SUPT3H: variants seen among roughly 807,000 people sequenced by gnomAD.
The protein encoded by SUPT3H is transcription initiation protein SPT3 homolog.
SUPT3H carries 44 observed loss-of-function variants against 44.3 expected under a neutral mutation model. The ratio of observed to expected loss-of-function variants is 0.99; its 90% CI spans 0.78 to 1.28. SUPT3H has a LOEUF of 1.28. Ranked by LOEUF, SUPT3H falls within the 50% of genes most tolerant of loss-of-function variation. The pLI, the probability that SUPT3H is intolerant of heterozygous loss-of-function variation, is 0.00. For synonymous variants in SUPT3H, 124 were observed against 125.6 expected, an observed-to-expected ratio of 0.99 and a Z score of 0.09; for missense variants, 380 against 387.1, an observed-to-expected ratio of 0.98 and a Z score of 0.15.
chr6:45,108,994 C>CA (rs1463470611), intron 2 of SUPT3H, among the ~76,000 whole-genome samples: 1 of 151,800 alleles, frequency 6.6e-6, no homozygotes, highest in African/African-American at 2.4e-5. Context: ...GATCAATCTA[C>CA]AAAAAATCAT....
intron 2 of SUPT3H, among the ~76,000 whole-genome samples, chr6:45,353,683 G>A (rs1792541023): frequency 6.6e-6 from 1 of 151,968 alleles, no homozygotes; most frequent in African/African-American, 2.4e-5. Context: ...GAAAGTGCAT[G>A]AAGATATGTA....
intron 2 of SUPT3H, among the ~76,000 whole-genome samples, chr6:45,190,105 G>A (rs899245495): frequency 2.6e-5 from 4 of 152,036 alleles, no homozygotes; most frequent in African/African-American, 9.7e-5. Context: ...CAACTGTTGC[G>A]TTAAACTAAT....
chr6:45,064,873 A>AC (rs1274722285), intron 3 of SUPT3H, among the ~76,000 whole-genome samples: 1 of 146,244 alleles, frequency 6.8e-6, no homozygotes, highest in East Asian at 2.1e-4. Flanking sequence ...AGACTTTAAC[A>AC]CCCCACTGTC....
intron 2 of SUPT3H, among the ~76,000 whole-genome samples, chr6:45,292,599 A>G (rs974417095): frequency 1.3e-5 from 2 of 151,642 alleles, no homozygotes; most frequent in African/African-American, 4.8e-5. Context: ...CCTAGCTAAC[A>G]TATAAAGACT....
At chr6:45,035,173 T>C (rs1787490870) in intron 3 of SUPT3H, among the ~76,000 whole-genome samples, 1 of 152,192 alleles carries the variant, frequency 6.6e-6, no homozygotes, top group Admixed American at 6.6e-5. Flanking sequence ...ATAACAGATG[T>C]ACTCTTAAAA....
In SUPT3H at chr6:44,994,720, C is replaced by T. The variant is rs1781051237; in HGVS notation, c.504+8933G>A. Among the ~76,000 whole-genome samples the T allele has an allele frequency of 2.6e-5, 4 of 152,054 alleles. No individual in the cohort carries two copies. The South Asian group carries it at 8.3e-4, about 32-fold the overall frequency. On this transcript the variant is annotated intron_variant, in intron 6 of 10. Coordinates refer to ENST00000371459, the MANE Select transcript of SUPT3H (RefSeq NM_003599.4). ...AAAACTTCTATAGTCATTTGTGCTC[C>T]TATGTGAGAAATAAATATTCAATAT...
intron 2 of SUPT3H, among the ~76,000 whole-genome samples, chr6:45,288,869 C>CTGGAA (rs1779841252): frequency 6.6e-6 from 1 of 151,904 alleles, no homozygotes; most frequent in South Asian, 2.1e-4. Flanking sequence ...ATTGATCCAT[C>CTGGAA]TTTCCACTTA....
chr6:45,340,265 C>A (rs1789477061), intron 2 of SUPT3H, among the ~76,000 whole-genome samples: 1 of 151,946 alleles, frequency 6.6e-6, no homozygotes, highest in Non-Finnish European at 1.5e-5. Flanking sequence ...TCTGACAGAA[C>A]CAAAGAGATT....
chr6:45,104,148 G>C (rs1254828189), intron 3 of SUPT3H, among the ~76,000 whole-genome samples: 1 of 151,994 alleles, frequency 6.6e-6, no homozygotes, highest in South Asian at 2.1e-4. Context: ...AATGAGCATG[G>C]GAAATGGTAG....
intron 2 of SUPT3H, among the ~76,000 whole-genome samples, chr6:45,222,046 A>C (rs961734199): frequency 6.6e-5 from 10 of 152,144 alleles, no homozygotes; most frequent in Admixed American, 1.3e-4. Context: ...CCTTTTCAAC[A>C]AATAGTGATG....
chr6:45,322,769 T>C lies in SUPT3H; in HGVS notation c.101+42432A>G, dbSNP rs923264089. On this transcript the variant is annotated intron_variant, in intron 2 of 10. Coordinates refer to ENST00000371459, the MANE Select transcript of SUPT3H (RefSeq NM_003599.4). ...TTCCTAAAAATAAGCCTACAATAAC[T>C]ATTTTAAAGGCTGTGTGTGGTCTCG... 9 of 756,622 alleles carry C rather than the reference T, an allele frequency of 1.2e-5. No individual in the cohort carries two copies. The African/African-American group carries it at 1.2e-4, about 10-fold the overall frequency. 46.9% of individuals were successfully genotyped at this position (756,622 alleles called of 1,614,324 possible). A position where few individuals can be genotyped will look rare whatever the true frequency, so the allele number is the denominator to read the frequency against.
At chr6:45,326,232 T>A (rs1425407422) in intron 2 of SUPT3H, among the ~76,000 whole-genome samples, 1 of 151,900 alleles carries the variant, frequency 6.6e-6, no homozygotes, top group East Asian at 1.9e-4. Flanking sequence ...GTAGAAACTA[T>A]AAGCTTATTT....
chr6:45,146,179 G>A (rs1038656753), intron 2 of SUPT3H, among the ~76,000 whole-genome samples: 3 of 152,074 alleles, frequency 2.0e-5, no homozygotes, highest in Admixed American at 6.6e-5. Context: ...TCTACCCAGA[G>A]GAAAATAAGT....
rs146945561 is a variant in SUPT3H at position 45,116,178 on chromosome 6, G to A, written c.102-10172C>T. Among the ~76,000 whole-genome samples the A allele has an allele frequency of 2.6e-3, 398 of 152,124 alleles. 3 individuals carry two copies. Among genetic ancestry groups the A allele is most frequent in the African/African-American group, 8.6e-3 (358 of 41,520 alleles). ...GCTCGTTATTTTTCACAGCATTTAA[G>A]GAAGTTTGCCCTCACAAACTAGTCA... On this transcript the variant is annotated intron_variant, in intron 2 of 10. Coordinates refer to ENST00000371459, the MANE Select transcript of SUPT3H (RefSeq NM_003599.4).
intron 2 of SUPT3H, among the ~76,000 whole-genome samples, chr6:45,214,839 C>T (rs1365487717): frequency 2.6e-5 from 4 of 152,278 alleles, no homozygotes; most frequent in Admixed American, 1.3e-4. Context: ...ACAGAGACTT[C>T]ATTAATACTG....
At chr6:45,035,304 A>G (rs1016182117) in intron 3 of SUPT3H, among the ~76,000 whole-genome samples, 1 of 152,144 alleles carries the variant, frequency 6.6e-6, no homozygotes, top group Non-Finnish European at 1.5e-5. Flanking sequence ...AATTTTTAAT[A>G]TGGATGTAAT....
At chr6:44,904,590 C>A (rs1164870832) in intron 10 of SUPT3H, among the ~76,000 whole-genome samples, 1 of 152,186 alleles carries the variant, frequency 6.6e-6, no homozygotes, top group Admixed American at 6.5e-5. Flanking sequence ...AATGGCCATA[C>A]TGCCCAAGGT....
chr6:44,898,020 C>T (rs565742800), intron 10 of SUPT3H, among the ~76,000 whole-genome samples: 1 of 152,266 alleles, frequency 6.6e-6, no homozygotes, highest in South Asian at 2.1e-4. Context: ...TTGTCACATA[C>T]ACAAATTATT....
At chr6:45,067,565 C>A (rs1409137460) in intron 3 of SUPT3H, among the ~76,000 whole-genome samples, 1 of 151,586 alleles carries the variant, frequency 6.6e-6, no homozygotes, top group African/African-American at 2.4e-5. Context: ...ACCTACTCAT[C>A]TGACAAAGGG....
Sources: allele counts gnomAD v4.1 joint callset (sites outside exome capture counted in the v4.1 genomes callset), GRCh38; gene constraint gnomAD v4.1.1; transcripts MANE v1.5; gene names NCBI Gene and HGNC (gene_info 2026-07-23, HGNC 2026-07-21).